Variants in PHLPP1 observed in about 807,000 individuals in gnomAD.
PHLPP1 encodes PH domain leucine-rich repeat-containing protein phosphatase 1.
In PHLPP1, 42 loss-of-function variants were observed where a neutral mutation model predicts 117.2. That is an observed-to-expected ratio of 0.36 (90% CI 0.28 to 0.46). The LOEUF (loss-of-function observed/expected upper bound fraction) is 0.46. PHLPP1 is among the 20% of genes least tolerant of loss of function. PHLPP1 has a pLI of 1.00. For synonymous variants in PHLPP1, 1,042 were observed against 970.7 expected (o/e 1.07, Z -1.37); for missense variants, 2,084 against 2,241.9 (o/e 0.93, Z 1.42).
At chr18:62,931,205 A>AACAAC (rs56191858) in intron 10 of PHLPP1, among the ~76,000 whole-genome samples, 62,163 of 147,938 alleles carry the variant, frequency 0.42, 13,352 homozygotes, top group Non-Finnish European at 0.48. Flanking sequence ...TAAAAAAAAA[A>AACAAC]AACAACAACA....
At chr18:62,949,709 A>T (rs1209427682) in intron 12 of PHLPP1, among the ~76,000 whole-genome samples, 2 of 152,098 alleles carry the variant, frequency 1.3e-5, no homozygotes, top group Non-Finnish European at 2.9e-5. Flanking sequence ...TCTGAAACAG[A>T]CAGGCCTCCC....
At chr18:62,817,434 CACAT>C (rs773475918) in intron 1 of PHLPP1, among the ~76,000 whole-genome samples, 3 of 152,060 alleles carry the variant, frequency 2.0e-5, no homozygotes, top group African/African-American at 7.2e-5. Flanking sequence ...TAAATACACA[CACAT>C]ACATACACAA....
At chr18:62,836,795 C>T (rs9954237) in intron 2 of PHLPP1, among the ~76,000 whole-genome samples, 21,535 of 150,860 alleles carry the variant, frequency 0.14, 3,256 homozygotes, top group African/African-American at 0.39. Flanking sequence ...CCAGGCGTGG[C>T]TCATGCCTAT....
intron 3 of PHLPP1, among the ~76,000 whole-genome samples, chr18:62,843,432 A>G (rs1404547053): frequency 6.6e-6 from 1 of 152,070 alleles, no homozygotes; most frequent in Non-Finnish European, 1.5e-5. Flanking sequence ...TTTTTGTTCT[A>G]ATTTGTTTCA....
At chr18:62,823,804 A>T (rs1914532584) in intron 1 of PHLPP1, among the ~76,000 whole-genome samples, 1 of 152,090 alleles carries the variant, frequency 6.6e-6, no homozygotes, top group Non-Finnish European at 1.5e-5. Flanking sequence ...AACCATAAGG[A>T]GATACCACTA....
chr18:62,746,265 G>C (rs1911670657), intron 1 of PHLPP1, among the ~76,000 whole-genome samples: 1 of 152,014 alleles, frequency 6.6e-6, no homozygotes, highest in Admixed American at 6.6e-5. Context: ...GGCTGGTCTC[G>C]AACTCTTGAC....
In PHLPP1 at chr18:62,899,470, A is replaced by G. The variant is rs137936474; in HGVS notation, c.2444+3459A>G. The stretch of plus-strand genomic sequence containing the variant: ...CATGTACACCTGTTCCATTCTGCCT[A>G]CTCTTGGGAATCAGATGATTTGCTT... On this transcript the variant is annotated intron_variant, in intron 6 of 16. Transcript: ENST00000262719. 2.0e-5 allele frequency among the ~76,000 whole-genome samples: 3 copies of G among 151,918 alleles called. No individual in the cohort carries two copies. In the East Asian group the frequency reaches 5.8e-4, roughly 29 times the overall value.
At chr18:62,789,023 T>C (rs1287826595) in intron 1 of PHLPP1, among the ~76,000 whole-genome samples, 1 of 152,104 alleles carries the variant, frequency 6.6e-6, no homozygotes, top group African/African-American at 2.4e-5. Context: ...GAGTTCTTAA[T>C]GTTGTGGCAG....
chr18:62,761,186 A>G (rs1912215899), intron 1 of PHLPP1, among the ~76,000 whole-genome samples: 1 of 152,106 alleles, frequency 6.6e-6, no homozygotes, highest in Non-Finnish European at 1.5e-5. Context: ...TTTTAATAAC[A>G]ATGCTGCATA....
chr18:62,757,498 A>G (rs573742445), intron 1 of PHLPP1, among the ~76,000 whole-genome samples: 2 of 152,298 alleles, frequency 1.3e-5, no homozygotes, highest in South Asian at 4.1e-4. Flanking sequence ...ACCCATTTGT[A>G]TGGGGTGTCC....
Position 62,715,758 on chromosome 18 carries a change from GGCCGCCGCT to G in PHLPP1, c.78_86del (p.Ala38_Ala40del). On this transcript the variant is annotated inframe_deletion, in exon 1 of 17. Coordinates refer to ENST00000262719, the MANE Select transcript of PHLPP1 (RefSeq NM_194449.4). ...GGGAGGACCGAGCTTCGGCTCCGGCGGCCGCCGCTGCGGCAGCAGCAGCAGCAGCGGCGG... is the reference window on the plus strand; with the variant it reads ...GGGAGGACCGAGCTTCGGCTCCGGCGGCGGCAGCAGCAGCAGCAGCGGCGG... 9.1e-7 allele frequency: 1 copy of G among 1,103,906 alleles called. No individual in the cohort carries two copies. Among genetic ancestry groups the G allele is most frequent in the Non-Finnish European group, 1.1e-6 (1 of 896,232 alleles). 68.4% of individuals were successfully genotyped at this position (1,103,906 alleles called of 1,614,324 possible). A position where few individuals can be genotyped will look rare whatever the true frequency, so the allele number is the denominator to read the frequency against.
At position 62,869,614 on chromosome 18, in the gene PHLPP1, C is replaced by T. The variant is rs56004313; in HGVS notation, c.2066+9013C>T. Among the ~76,000 whole-genome samples, 457 of 152,324 alleles carry T rather than the reference C, an allele frequency of 3.0e-3. 1 individual carries two copies. Among genetic ancestry groups the T allele is most frequent in the Middle Eastern group, 6.8e-3 (2 of 294 alleles). On this transcript the variant is annotated intron_variant, in intron 4 of 16. Coordinates refer to ENST00000262719, the MANE Select transcript of PHLPP1 (RefSeq NM_194449.4). ...ATATGTGTTTGAGTCCAGCTTCTTT[C>T]ACTGACTTTTCTTTTAAAAAAGCAA...
chr18:62,883,709 ACT>A (rs1440255561), intron 4 of PHLPP1, among the ~76,000 whole-genome samples: 1 of 151,774 alleles, frequency 6.6e-6, no homozygotes, highest in Non-Finnish European at 1.5e-5. Flanking sequence ...CCTTATTAAA[ACT>A]CTTGAGGACA....
At chr18:62,977,083 G>A (rs1195715207) in intron 16 of PHLPP1, among the ~76,000 whole-genome samples, 1 of 152,206 alleles carries the variant, frequency 6.6e-6, no homozygotes, top group Non-Finnish European at 1.5e-5. Flanking sequence ...GATTATGTCA[G>A]TAGAATCAAG....
At chr18:62,935,203 A>G (rs1343109437) in intron 10 of PHLPP1, among the ~76,000 whole-genome samples, 12 of 152,354 alleles carry the variant, frequency 7.9e-5, no homozygotes, top group Admixed American at 7.8e-4. Context: ...TAAAGTTAAT[A>G]TGCAGAAATC....
intron 1 of PHLPP1, among the ~76,000 whole-genome samples, chr18:62,816,089 C>A (rs950213900): frequency 6.6e-6 from 1 of 152,078 alleles, no homozygotes; most frequent in Non-Finnish European, 1.5e-5. Context: ...TTTAATGTTT[C>A]TTCACTATAA....
At chr18:62,766,078 T>A (rs10153373) in intron 1 of PHLPP1, among the ~76,000 whole-genome samples, 577 of 19,160 alleles carry the variant, frequency 0.03, 21 homozygotes, top group East Asian at 0.078. Context: ...AAAAAAAAAA[T>A]ATATATATAT....
At chr18:62,892,830 CG>C (rs1916461246) in intron 4 of PHLPP1, among the ~76,000 whole-genome samples, 1 of 148,482 alleles carries the variant, frequency 6.7e-6, no homozygotes, top group Non-Finnish European at 1.5e-5. Context: ...GAGCCGAGAT[CG>C]CACCACTGCA....
intron 15 of PHLPP1, among the ~76,000 whole-genome samples, chr18:62,973,593 A>C (rs1911112326): frequency 6.6e-6 from 1 of 152,046 alleles, no homozygotes; most frequent in African/African-American, 2.4e-5. Context: ...TCTGGGGAGG[A>C]GTGTTCAGAG....
Sources: gnomAD v4.1 joint callset for allele counts (sites outside exome capture counted in the v4.1 genomes callset) on GRCh38, gnomAD v4.1.1 for gene constraint, MANE v1.5 for transcripts, NCBI Gene and HGNC (gene_info 2026-07-23, HGNC 2026-07-21) for gene names.